Variants in DNHD1 observed in about 807,000 individuals in gnomAD.
DNHD1 encodes the protein dynein heavy chain domain-containing protein 1.
A neutral mutation model predicts 458.1 loss-of-function variants in DNHD1; 383 were observed. The ratio of observed to expected loss-of-function variants is 0.84; its 90% CI spans 0.77 to 0.91. The LOEUF is 0.91. Among genes scored for constraint, DNHD1 ranks in the 40% least tolerant of loss-of-function variants. DNHD1 has a pLI of 0.00. For synonymous variants in DNHD1, 2,203 were observed against 2,376.9 expected (o/e 0.93, Z 2.13); for missense variants, 5,336 against 5,866.1 (o/e 0.91, Z 2.95).
In DNHD1 at chr11:6,544,104, A is replaced by G; in HGVS notation, c.3629-17A>G. 1 of 1,550,914 alleles carries G rather than the reference A, an allele frequency of 6.4e-7. No homozygotes were observed. The highest frequency in any genetic ancestry group is 8.7e-7 in the Non-Finnish European group (1 of 1,146,726). ...CCTTGCCTCATCTGACTGCCAGTTC[A>G]GCTTTTTCTGTCTTAGATTACAGCA... On this transcript the variant is annotated splice_polypyrimidine_tract_variant and intron_variant, in intron 18 of 42. Coordinates refer to ENST00000254579, the MANE Select transcript of DNHD1 (RefSeq NM_144666.3).
intron 8 of DNHD1, 24 bp from the exon 9 acceptor site, chr11:6,519,941 C>A (rs555131212): frequency 1.2e-6 from 2 of 1,613,944 alleles, no homozygotes; most frequent in Non-Finnish European, 1.7e-6. Flanking sequence ...GCCCCTCGAC[C>A]TTTCCTGACC....
rs777790474 is a variant in DNHD1, at chr11:6,570,040, AC to A, written c.12898del (p.Gln4300LysfsTer37). 2.5e-6 allele frequency: 4 copies of A among 1,613,782 alleles called. No individual in the cohort carries two copies. The highest frequency in any genetic ancestry group is 3.4e-6 in the Non-Finnish European group (4 of 1,179,810). ...SQVTLTQVLQ[T>X]QDQLWASLSN... is the part of the protein sequence containing the mutation. ...AGTGACTCTAACCCAGGTTCTTCAG[AC>A]CCAAGACCAGCTGTGGGCAAGTCTT... is the stretch of plus-strand genomic sequence containing the variant. On this transcript the variant is annotated frameshift_variant, in exon 40 of 43. Transcript: ENST00000254579. LOFTEE classifies it high-confidence loss of function.
rs899671479 is a variant in DNHD1 at position 6,546,094 on chromosome 11, G to A, written c.5155G>A (p.Ala1719Thr). The part of the protein sequence containing the change: ...VMLPCSPQIE[A>T]QCLSNYLNGA... ...GCTACCCTGCTCACCTCAGATAGAG[G>A]CTCAATGCCTGAGCAACTATCTGAA... Residue 1719 changes from alanine to threonine, a missense_variant, in exon 21 of 43, where the codon GCT (alanine) becomes ACT (threonine). Transcript: ENST00000254579. The A allele has an allele frequency of 3.2e-5, 50 of 1,551,424 alleles. 1 individual carries two copies. The Admixed American group carries it at 9.8e-4, about 30-fold the overall frequency.
chr11:6,505,384 C>T lies in DNHD1; in HGVS notation c.920+2458C>T, dbSNP rs944829880. Among the ~76,000 whole-genome samples the T allele has an allele frequency of 6.6e-6, 1 of 152,056 alleles. No individual in the cohort carries two copies. Among genetic ancestry groups the T allele is most frequent in the East Asian group, 1.9e-4 (1 of 5,190 alleles). On this transcript the variant is annotated intron_variant, in intron 4 of 42. Transcript: ENST00000254579. This position sits in a 1 kb window ranked among gnomAD's most constrained non-coding sequence, Gnocchi z 4.4. ...TCTCCTGCCACAGCCTCCCAAGTAG[C>T]TTTGATTACAGGCACTTGCTAATAT...
At position 6,548,395 on chromosome 11, in the gene DNHD1, C is replaced by T. The variant is rs757412558; in HGVS notation, c.7091C>T (p.Ser2364Phe). Residue 2364 changes from serine (S) to phenylalanine (F), a missense_variant, in exon 23 of 43, where the codon TCT becomes TTT. Ser to Phe is a radical substitution (Grantham distance 155). Around this residue, in one of 4 missense-constraint regions of DNHD1, gnomAD observed 3,932 missense variants for 4,365.6 expected, o/e 0.90. Coordinates refer to ENST00000254579, the MANE Select transcript of DNHD1 (RefSeq NM_144666.3). This position sits in a 1 kb window ranked among gnomAD's most constrained non-coding sequence, Gnocchi z 4.4. ...IKGTLGTFHP[S>F]IQTERLLYVV... Reference sequence around the variant, plus strand: ...GGAACTTTGGGCACCTTTCACCCTTCTATCCAGGTGTGAGGACAGTAAGGC... The same window carrying T: ...GGAACTTTGGGCACCTTTCACCCTTTTATCCAGGTGTGAGGACAGTAAGGC... 1 of 1,551,716 alleles carries T rather than the reference C, an allele frequency of 6.4e-7. No individual in the cohort carries two copies. The highest frequency in any genetic ancestry group is 2.0e-5 in the Admixed American group (1 of 51,002).
rs1300606935 is a variant in DNHD1 at position 6,557,690 on chromosome 11, C to T, written c.8395C>T (p.Leu2799=). The T allele has an allele frequency of 1.9e-6, 3 of 1,551,742 alleles. No individual in the cohort carries two copies. The East Asian group carries it at 7.3e-5, about 38-fold the overall frequency. The change falls in exon 25 of 43, where the codon CTG becomes TTG. Residue 2799 remains leucine (L), a synonymous_variant. Coordinates refer to ENST00000254579, the MANE Select transcript of DNHD1 (RefSeq NM_144666.3). ...TWWQKKPQMD[L]ISPLLLPVLL... ...GTGGCAGAAGAAACCCCAGATGGAC[C>T]TGATCTCACCCTTGTTGTTACCAGT...
At chr11:6,533,227 A>G (rs1852865250) in intron 13 of DNHD1, 43 bp downstream of exon 13, 1 of 1,538,232 alleles carries the variant, frequency 6.5e-7, no homozygotes. Flanking sequence ...TTCAGGGCCC[A>G]TCCTGCTCAA....
chr11:6,533,977 G>T lies in DNHD1; in HGVS notation c.2802G>T (p.Met934Ile), dbSNP rs1296724824. 3.2e-6 allele frequency: 5 copies of T among 1,551,302 alleles called. No homozygotes were observed. The highest frequency in any genetic ancestry group is 2.0e-5 in the Admixed American group (1 of 50,962). The change falls in exon 14 of 43, where the codon ATG becomes ATT. Residue 934 changes from methionine (M) to isoleucine (I), a missense_variant. Met to Ile is a conservative substitution (Grantham distance 10, BLOSUM62 1). Transcript: ENST00000254579. ...TGCTCAGCAAGCGACATGCCATTATGCCCAAGCTGCAGCAGCTGATGGCAG... is the reference window on the plus strand; with the variant it reads ...TGCTCAGCAAGCGACATGCCATTATTCCCAAGCTGCAGCAGCTGATGGCAG... ...EFLLSKRHAI[M>I]PKLQQLMAAA...
chr11:6,503,132 T>G (rs1271911432), intron 4 of DNHD1: 1 of 533,898 alleles, frequency 1.9e-6, no homozygotes, highest in Admixed American at 3.9e-5. Flanking sequence ...TCCCTGTTGC[T>G]TACACAGCCT....
chr11:6,565,927 C>A lies in DNHD1; in HGVS notation c.10989C>A (p.Tyr3663Ter). ...AGACTCAGCTTCCATCCCTTCCCTA[C>A]CTTAGTGTTCTTTCAGGTGCTGACC... ...AYETQLPSLP[Y>*]LSVLSGADPE... Residue 3663 changes from tyrosine (Y) to a stop codon, truncating the protein, a stop_gained, in exon 33 of 43, where the codon TAC becomes TAA. Coordinates refer to ENST00000254579, the MANE Select transcript of DNHD1 (RefSeq NM_144666.3). LOFTEE classifies it high-confidence loss of function. 6.4e-7 allele frequency: 1 copy of A among 1,551,640 alleles called. No individual in the cohort carries two copies. The highest frequency in any genetic ancestry group is 8.7e-7 in the Non-Finnish European group (1 of 1,146,978).
rs1853158331 is a variant in DNHD1, at chr11:6,544,202, TA to T, written c.3713del (p.Asn1238ThrfsTer3). 7.1e-6 allele frequency: 11 copies of T among 1,551,512 alleles called. No individual in the cohort carries two copies. The highest frequency in any genetic ancestry group is 9.6e-6 in the Non-Finnish European group (11 of 1,146,970). On this transcript the variant is annotated frameshift_variant, in exon 19 of 43. Coordinates refer to ENST00000254579, the MANE Select transcript of DNHD1 (RefSeq NM_144666.3). Reference protein sequence around the residue: ...KILAIEKSGDLNKIALEWVAI... With the variant: ...KILAIEKSGDXNKIALEWVAI... ...TTGGCCATCGAAAAGTCAGGAGATT[TA>T]AACAAAATAGCTTTGGAGTGGGTGG...
chr11:6,569,399 C>T (rs1007818029), intron 39 of DNHD1, among the ~76,000 whole-genome samples: 5 of 151,920 alleles, frequency 3.3e-5, no homozygotes, highest in African/African-American at 7.3e-5. Flanking sequence ...AGGAGAATGG[C>T]GTGAACCTGG....
chr11:6,533,533 GGAGA>G, intron 13 of DNHD1, 144 bp from the exon 14 acceptor site: 1 of 1,043,724 alleles, frequency 9.6e-7, no homozygotes, highest in Non-Finnish European at 1.4e-6. Context: ...AGATCCCTCA[GGAGA>G]GATTGCCCCT....
chr11:6,570,389 C>T lies in DNHD1; in HGVS notation c.13098C>T (p.Pro4366=). 2 of 1,607,952 alleles carry T rather than the reference C, an allele frequency of 1.2e-6. No homozygotes were observed. The highest frequency in any genetic ancestry group is 1.7e-6 in the Non-Finnish European group (2 of 1,177,308). ...AGTCTTTGCTGGCCACGCTCATGCC[C>T]CTCCCAGGTAAGCCTCACTCAGGTA... ...TPQSLLATLM[P]LPELRELDAM... Residue 4366 remains proline (P), a synonymous_variant, in exon 41 of 43, where the codon CCC becomes CCT. Coordinates refer to ENST00000254579, the MANE Select transcript of DNHD1 (RefSeq NM_144666.3).
intron 24 of DNHD1, among the ~76,000 whole-genome samples, chr11:6,553,299 A>T (rs1853400071): frequency 6.6e-6 from 1 of 152,236 alleles, no homozygotes; most frequent in Non-Finnish European, 1.5e-5. Context: ...ACAAAATTCC[A>T]ACACTATTCC....
chr11:6,526,293 A>G (rs1852710052), intron 10 of DNHD1, among the ~76,000 whole-genome samples: 2 of 152,004 alleles, frequency 1.3e-5, no homozygotes, highest in African/African-American at 4.8e-5. Context: ...GTTCTGTCAC[A>G]TAATTTCTGA....
chr11:6,549,326 G>T (rs1489485324), intron 24 of DNHD1, among the ~76,000 whole-genome samples: 1 of 152,152 alleles, frequency 6.6e-6, no homozygotes, highest in African/African-American at 2.4e-5. Flanking sequence ...AAATCTTGTT[G>T]ACATCTCATT....
chr11:6,515,610 C>CTT (rs71470013), intron 7 of DNHD1, among the ~76,000 whole-genome samples: 26,690 of 148,190 alleles, frequency 0.18, 2,475 homozygotes, highest in Middle Eastern at 0.23. Context: ...CTCTTTTCTG[C>CTT]TTTTTTTTTT....
chr11:6,509,457 A>G (rs1296113499), intron 6 of DNHD1, among the ~76,000 whole-genome samples, 185 bp downstream of exon 6: 1 of 152,222 alleles, frequency 6.6e-6, no homozygotes, highest in Admixed American at 6.5e-5. Flanking sequence ...ACATACACAA[A>G]ATGTGATCAT....
Sources: gnomAD v4.1 joint callset for allele counts (sites outside exome capture counted in the v4.1 genomes callset) on GRCh38, gnomAD v4.1.1 for gene constraint, gnomAD v4.1.1 regional missense constraint, Gnocchi (gnomAD v3.1) non-coding constraint, MANE v1.5 for transcripts, NCBI Gene and HGNC (gene_info 2026-07-23, HGNC 2026-07-21) for gene names.